The following ANKMY1 variants were observed in gnomAD, a reference collection of about 807,000 sequenced individuals.
ANKMY1 encodes the protein ankyrin repeat and MYND domain containing 1.
In ANKMY1, 98 loss-of-function variants were observed where a neutral mutation model predicts 102.0. The ratio of observed to expected loss-of-function variants is 0.96; its 90% confidence interval spans 0.82 to 1.14. ANKMY1 has a LOEUF of 1.14. Ranked by LOEUF, ANKMY1 falls within the 50% of genes most tolerant of loss-of-function variation. The pLI, the probability that ANKMY1 is intolerant of heterozygous loss-of-function variation, is 0.00. For synonymous variants in ANKMY1, 582 were observed against 559.9 expected (o/e 1.04, Z -0.56); for missense variants, 1,330 against 1,347.6 (o/e 0.99, Z 0.20).
intron 12 of ANKMY1, among the ~76,000 whole-genome samples, chr2:240,508,689 C>T (rs2079532006): frequency 6.6e-6 from 1 of 152,172 alleles, no homozygotes; most frequent in African/African-American, 2.4e-5. Context: ...TAATTCAACA[C>T]CTAGTGCCTA....
Position 240,529,209 on chromosome 2 carries a change from C to G in ANKMY1, c.781G>C (p.Val261Leu), listed in dbSNP as rs34602615. 7.8e-4 allele frequency: 1,267 copies of G among 1,614,212 alleles called. 14 individuals carry two copies. In the African/African-American group the frequency reaches 0.015, roughly 20 times the overall value. Residue 261 changes from valine to leucine, a missense_variant, in exon 5 of 18, where the codon GTC (valine) becomes CTC (leucine). By Grantham distance (32) the Val-to-Leu change is conservative. Transcript: ENST00000401804. This position sits in a 1 kb window ranked among gnomAD's most constrained non-coding sequence, Gnocchi z 4.2. ...DNLTLPPEMY[V>L]YSTNSDHLPM... ...AGGTGGTCACTGTTGGTCGAGTAGA[C>G]ATACATTTCTGGAGGCAGCGTTAGG...
chr2:240,545,690 G>A (rs2090194893), intron 4 of ANKMY1, among the ~76,000 whole-genome samples: 1 of 152,150 alleles, frequency 6.6e-6, no homozygotes, highest in Admixed American at 6.5e-5. Flanking sequence ...TGAAAACCAA[G>A]GCTCGAGAAC....
chr2:240,552,898 A>C lies in ANKMY1; in HGVS notation c.480+16T>G. On this transcript the variant is annotated intron_variant, in intron 4 of 17. Coordinates refer to ENST00000401804, the MANE Select transcript of ANKMY1 (RefSeq NM_001282771.3). ...AGCCACTTCGACCCCAGCTGAACAC[A>C]TGGCAGCCCCCTCACCTGGAAAAGC... is the stretch of plus-strand genomic sequence containing the variant. 1 of 1,613,140 alleles carries C rather than the reference A, an allele frequency of 6.2e-7. No homozygotes were observed. Among genetic ancestry groups the C allele is most frequent in the Non-Finnish European group, 8.5e-7 (1 of 1,179,964 alleles).
rs553526805 is a variant in ANKMY1 at position 240,525,172 on chromosome 2, TAGTC to T, written c.1335+509_1335+512del. Among the ~76,000 whole-genome samples the T allele has an allele frequency of 2.3e-3, 352 of 152,374 alleles. 1 individual carries two copies. The highest frequency in any genetic ancestry group is 5.7e-3 in the Admixed American group (87 of 15,308). ...TTCCTGCTACATAAACTCCCAGTGT[TAGTC>T]AGTCAGGGAGATGGACTTGAGACTG... On this transcript the variant is annotated intron_variant, in intron 7 of 17. Transcript: ENST00000401804.
At chr2:240,530,210 G>A (rs1010568528) in intron 4 of ANKMY1, among the ~76,000 whole-genome samples, 2 of 152,178 alleles carry the variant, frequency 1.3e-5, no homozygotes, top group African/African-American at 4.8e-5. Context: ...CCCAGGGGAG[G>A]GAGCACAGTC....
At chr2:240,477,057 G>A (rs909389568), downstream of ANKMY1, among the ~76,000 whole-genome samples, 1 of 152,226 alleles carries the variant, frequency 6.6e-6, no homozygotes, top group East Asian at 1.9e-4. Flanking sequence ...AGTGGCTCAC[G>A]CCTGTAATCC....
chr2:240,525,563 C>T, intron 7 of ANKMY1, 122 bp downstream of exon 7: 1 of 1,281,206 alleles, frequency 7.8e-7, no homozygotes, highest in Non-Finnish European at 1.1e-6. Context: ...CCACTCCCTG[C>T]CTTATAACTC....
At chr2:240,560,056 G>A (rs1033492619), upstream of ANKMY1, 1 of 152,370 alleles carries the variant, frequency 6.6e-6, no homozygotes, top group Non-Finnish European at 1.5e-5. Context: ...GAATAGTGTG[G>A]TCTATGAAGA....
At chr2:240,559,847 T>C (rs1182552936), upstream of ANKMY1, among the ~76,000 whole-genome samples, 1 of 152,264 alleles carries the variant, frequency 6.6e-6, no homozygotes, top group African/African-American at 2.4e-5. Context: ...AGAGAGACTG[T>C]ATGCAACTGA....
rs777760949 is a variant in ANKMY1 at position 240,479,457 on chromosome 2, C to T, written c.*152G>A. On this transcript the variant is annotated 3_prime_UTR_variant, in exon 18 of 18. Transcript: ENST00000401804. ...ATCACCCCGTGGGGCCAATTTATTG[C>T]GAGGTCGCAAGGGAGACACTGCTAC... The T allele has an allele frequency of 1.6e-5, 15 of 928,732 alleles. No individual in the cohort carries two copies. Among genetic ancestry groups the T allele is most frequent in the Non-Finnish European group, 2.5e-5 (15 of 600,722 alleles). 57.5% of individuals were successfully genotyped at this position (928,732 alleles called of 1,614,324 possible). A position where few individuals can be genotyped will look rare whatever the true frequency, so the allele number is the denominator to read the frequency against.
chr2:240,554,570 A>C (rs913897398), intron 3 of ANKMY1: 2 of 335,502 alleles, frequency 6.0e-6, no homozygotes, highest in Admixed American at 8.3e-5. Context: ...CACCAAGGTA[A>C]ATATACGAGT....
At chr2:240,487,251 CT>C (rs529920048) in intron 15 of ANKMY1, among the ~76,000 whole-genome samples, 13 of 152,212 alleles carry the variant, frequency 8.5e-5, no homozygotes, top group Non-Finnish European at 1.6e-4. Context: ...TTGTGCCCGG[CT>C]TATTTCACTA....
intron 1 of ANKMY1, 33 bp from the exon 2 acceptor site, chr2:240,557,385 C>T (rs1410738654): frequency 7.0e-7 from 1 of 1,421,020 alleles, no homozygotes; most frequent in East Asian, 2.7e-5. Flanking sequence ...ACATGTGCCC[C>T]CAGGGCTCCC....
chr2:240,534,878 G>A (rs2086350077), intron 4 of ANKMY1, among the ~76,000 whole-genome samples: 1 of 152,108 alleles, frequency 6.6e-6, no homozygotes, highest in Non-Finnish European at 1.5e-5. Context: ...TGAGGTGTGA[G>A]GATCACTTGA....
chr2:240,514,144 C>A (rs1464779454), intron 9 of ANKMY1, among the ~76,000 whole-genome samples: 1 of 152,190 alleles, frequency 6.6e-6, no homozygotes, highest in African/African-American at 2.4e-5. Context: ...CAGAACCAAC[C>A]CAGCTGAGGG....
In ANKMY1 at chr2:240,557,963, C is replaced by G. The variant is rs912352721; in HGVS notation, c.-100G>C. ...ACCGCGGACGCCCGCGCTCCCGTCC[C>G]GACTGCTTGCCAGCCCTGCGCCTAC... On this transcript the variant is annotated 5_prime_UTR_variant, in exon 1 of 18. Transcript: ENST00000401804. The G allele has an allele frequency of 1.3e-5, 13 of 985,522 alleles. No homozygotes were observed. In the South Asian group the frequency reaches 1.4e-4, roughly 11 times the overall value. 61.0% of individuals were successfully genotyped at this position (985,522 alleles called of 1,614,324 possible).
intron 5 of ANKMY1, chr2:240,527,050 T>G: frequency 1.0e-6 from 1 of 981,106 alleles, no homozygotes; most frequent in Non-Finnish European, 1.2e-6. Flanking sequence ...GGTAGGTGGA[T>G]GTATGTTGCA....
At chr2:240,478,237 C>A (rs2074991249), downstream of ANKMY1, among the ~76,000 whole-genome samples, 1 of 152,232 alleles carries the variant, frequency 6.6e-6, no homozygotes, top group African/African-American at 2.4e-5. Flanking sequence ...AACCTCCTTT[C>A]TTTATACATT....
chr2:240,501,719 G>A (rs891859119), intron 13 of ANKMY1, among the ~76,000 whole-genome samples: 4 of 152,222 alleles, frequency 2.6e-5, no homozygotes, highest in Admixed American at 2.0e-4. Flanking sequence ...GGCACAGTGC[G>A]GGACGGTGGA....
Sources: gnomAD v4.1 joint callset for allele counts (sites outside exome capture counted in the v4.1 genomes callset) on GRCh38, gnomAD v4.1.1 for gene constraint, Gnocchi (gnomAD v3.1) non-coding constraint, MANE v1.5 for transcripts, NCBI Gene and HGNC (gene_info 2026-07-23, HGNC 2026-07-21) for gene names.